Variants in MVB12B observed in about 807,000 individuals in gnomAD.
MVB12B encodes ESCRT-I complex subunit MVB12B.
Under a neutral mutation model 41.6 loss-of-function variants are expected in MVB12B, and 16 were observed. That is an observed-to-expected ratio of 0.38 (90% CI 0.26 to 0.58). MVB12B has a LOEUF of 0.58. MVB12B is among the 20% of genes least tolerant of loss of function. MVB12B has a pLI of 0.62. For missense variants in MVB12B, 274 were observed against 380.2 expected (o/e 0.72, Z 2.32); for synonymous variants, 133 against 139.7 (o/e 0.95, Z 0.34).
intron 7 of MVB12B, among the ~76,000 whole-genome samples, chr9:126,435,705 C>A (rs980674845): frequency 9.2e-5 from 14 of 151,788 alleles, no homozygotes; most frequent in African/African-American, 3.4e-4. Context: ...AATCACACCA[C>A]CCACCGAGCA....
At chr9:126,387,986 A>G (rs1830846644) in intron 4 of MVB12B, among the ~76,000 whole-genome samples, 1 of 152,226 alleles carries the variant, frequency 6.6e-6, no homozygotes, top group African/African-American at 2.4e-5. Context: ...TTTTACAGAT[A>G]TGTTTTATAT....
chr9:126,389,932 G>GAACC lies in MVB12B; in HGVS notation c.410-2133_410-2130dup, dbSNP rs1172009000. ...CTAGCCCTCAGTTTCTGTGCCTGAG[G>GAACC]AACCCACAGTTATCTGACTCTTTAA... is the stretch of plus-strand genomic sequence containing the variant. On this transcript the variant is annotated intron_variant, in intron 4 of 9. Transcript: ENST00000361171. The surrounding 1 kb of genome is among the most constrained non-coding windows in gnomAD (Gnocchi z 4.4). 6.6e-6 allele frequency among the ~76,000 whole-genome samples: 1 copy of GAACC among 152,034 alleles called. No individual in the cohort carries two copies. The highest frequency in any genetic ancestry group is 6.6e-5 in the Admixed American group (1 of 15,266).
In MVB12B at chr9:126,484,036, A is replaced by T; in HGVS notation, c.873+4A>T. 1 of 1,613,964 alleles carries T rather than the reference A, an allele frequency of 6.2e-7. No individual in the cohort carries two copies. The highest frequency in any genetic ancestry group is 8.5e-7 in the Non-Finnish European group (1 of 1,179,974). ...TCTAGCAGAAATCGAAAAAGAGGTA[A>T]GCAAGCCATCAGGGGAGGGGAGGGC... On this transcript the variant is annotated splice_donor_region_variant and intron_variant, in intron 9 of 9. Coordinates refer to ENST00000361171, the MANE Select transcript of MVB12B (RefSeq NM_033446.3).
At chr9:126,479,279 C>T (rs991778002) in intron 7 of MVB12B, among the ~76,000 whole-genome samples, 8 of 152,076 alleles carry the variant, frequency 5.3e-5, no homozygotes, top group Admixed American at 2.0e-4. Flanking sequence ...TACGAGTGCC[C>T]GGCCCATCTC....
At position 126,395,345 on chromosome 9, in the gene MVB12B, A is replaced by T. The variant is rs1188888122; in HGVS notation, c.540-230A>T. Among the ~76,000 whole-genome samples the T allele has an allele frequency of 6.6e-6, 1 of 152,240 alleles. No individual in the cohort carries two copies. The highest frequency in any genetic ancestry group is 1.5e-5 in the Non-Finnish European group (1 of 68,050). On this transcript the variant is annotated intron_variant, in intron 5 of 9. Coordinates refer to ENST00000361171, the MANE Select transcript of MVB12B (RefSeq NM_033446.3). The surrounding 1 kb of genome is among the most constrained non-coding windows in gnomAD (Gnocchi z 4.9). The stretch of plus-strand genomic sequence containing the variant: ...TAGGAAGGCAAGCTTGGGAAGGGTG[A>T]TGCAGGCGGCCTTGTCCCGAAGGCC...
chr9:126,375,040 C>G (rs186764632), intron 2 of MVB12B, among the ~76,000 whole-genome samples: 2 of 151,930 alleles, frequency 1.3e-5, no homozygotes, highest in African/African-American at 4.8e-5. Flanking sequence ...ATTTTTTTCC[C>G]TCTAGTACTT....
rs1255900767 is a variant in MVB12B, at chr9:126,336,526, A to T, written c.82-3982A>T. On this transcript the variant is annotated intron_variant, in intron 1 of 9. Coordinates refer to ENST00000361171, the MANE Select transcript of MVB12B (RefSeq NM_033446.3). Reference sequence around the variant, plus strand: ...TGAACCCGGGATGACAACCTTGGCTAGGTGCTGCAGTACCGGGAGCTGGGG... The same window carrying T: ...TGAACCCGGGATGACAACCTTGGCTTGGTGCTGCAGTACCGGGAGCTGGGG... 2.6e-5 allele frequency among the ~76,000 whole-genome samples: 4 copies of T among 152,226 alleles called. No homozygotes were observed. The East Asian group carries it at 7.7e-4, about 29-fold the overall frequency.
At chr9:126,489,915 G>A (rs750527455) in intron 9 of MVB12B, among the ~76,000 whole-genome samples, 2 of 152,194 alleles carry the variant, frequency 1.3e-5, no homozygotes, top group Non-Finnish European at 2.9e-5. Flanking sequence ...GGCCCCACCT[G>A]TCCGTGCCTT....
chr9:126,452,026 G>A (rs532957577), intron 7 of MVB12B, among the ~76,000 whole-genome samples: 4 of 152,292 alleles, frequency 2.6e-5, no homozygotes, highest in East Asian at 1.9e-4. Context: ...AAGTTGAACC[G>A]TACCATCAAC....
intron 3 of MVB12B, 102 bp downstream of exon 3, chr9:126,381,273 C>A: frequency 2.5e-6 from 2 of 811,984 alleles, no homozygotes; most frequent in Non-Finnish European, 4.0e-6. Context: ...ATTTTCATTG[C>A]CATATTAATT....
chr9:126,496,720 G>T (rs1400448259), intron 9 of MVB12B, among the ~76,000 whole-genome samples: 3 of 152,098 alleles, frequency 2.0e-5, no homozygotes, highest in Non-Finnish European at 2.9e-5. Flanking sequence ...AGAGAACCAT[G>T]CAGGGGAAAG....
rs1208418264 is a variant in MVB12B, at chr9:126,504,722, C to T, written c.*1459C>T. On this transcript the variant is annotated 3_prime_UTR_variant, in exon 10 of 10. Coordinates refer to ENST00000361171, the MANE Select transcript of MVB12B (RefSeq NM_033446.3). ...CTCTTTGTGGACCCATCTTCCTCCT[C>T]TGCCACCCCGATCTTCACTCGGATA... 1.3e-5 allele frequency: 2 copies of T among 152,856 alleles called. No homozygotes were observed. The highest frequency in any genetic ancestry group is 4.8e-5 in the African/African-American group (2 of 41,474). 9.5% of individuals were successfully genotyped at this position (152,856 alleles called of 1,614,324 possible).
In MVB12B at chr9:126,486,387, T is replaced by C. The variant is rs534341281; in HGVS notation, c.873+2355T>C. ...GTGAGGAAGGCCTCAGAGGAGCTGC[T>C]GCTGCCACAGGTGGTCACCAGGGCA... On this transcript the variant is annotated intron_variant, in intron 9 of 9. Coordinates refer to ENST00000361171, the MANE Select transcript of MVB12B (RefSeq NM_033446.3). The surrounding 1 kb of genome is among the most constrained non-coding windows in gnomAD (Gnocchi z 4.7). Among the ~76,000 whole-genome samples the C allele has an allele frequency of 3.0e-4, 46 of 152,280 alleles. 2 individuals are homozygous for C. In the East Asian group the frequency reaches 8.1e-3, roughly 27 times the overall value.
chr9:126,421,093 C>A (rs1388405449), intron 6 of MVB12B, among the ~76,000 whole-genome samples: 22 of 152,060 alleles, frequency 1.4e-4, no homozygotes, highest in Non-Finnish European at 2.9e-5. Flanking sequence ...TTTTCCTATT[C>A]GCTTAATTTT....
At chr9:126,352,164 G>A (rs1373736735) in intron 2 of MVB12B, among the ~76,000 whole-genome samples, 1 of 152,056 alleles carries the variant, frequency 6.6e-6, no homozygotes, top group Non-Finnish European at 1.5e-5. Flanking sequence ...AAAATGTTGT[G>A]TTTGTATTTA....
intron 9 of MVB12B, among the ~76,000 whole-genome samples, chr9:126,493,701 T>C (rs758300386): frequency 6.6e-6 from 1 of 152,216 alleles, no homozygotes; most frequent in Non-Finnish European, 1.5e-5. Flanking sequence ...TCTTGGTCCT[T>C]TCTCTTTAGG....
chr9:126,415,774 TGTG>T (rs1279785142), intron 6 of MVB12B, among the ~76,000 whole-genome samples: 1 of 151,566 alleles, frequency 6.6e-6, no homozygotes, highest in Non-Finnish European at 1.5e-5. Flanking sequence ...GAAGAAAAGG[TGTG>T]GTGGAGATCA....
At chr9:126,362,563 A>G (rs527885758) in intron 2 of MVB12B, among the ~76,000 whole-genome samples, 1 of 152,374 alleles carries the variant, frequency 6.6e-6, no homozygotes, top group African/African-American at 2.4e-5. Context: ...GATAATTTCT[A>G]CTGCTATCTA....
chr9:126,398,762 A>G (rs928863694), intron 6 of MVB12B, among the ~76,000 whole-genome samples: 5 of 152,238 alleles, frequency 3.3e-5, no homozygotes, highest in Admixed American at 3.3e-4. Context: ...GCCAGCCAGG[A>G]GGACCTAGGA....
Sources: allele counts gnomAD v4.1 joint callset (sites outside exome capture counted in the v4.1 genomes callset), GRCh38; gene constraint gnomAD v4.1.1; non-coding constraint Gnocchi (gnomAD v3.1); transcripts MANE v1.5; gene names NCBI Gene and HGNC (gene_info 2026-07-23, HGNC 2026-07-21).